The following CNTNAP5 variants were observed in gnomAD, a reference collection of about 807,000 sequenced individuals.
The protein encoded by CNTNAP5 is contactin associated protein family member 5.
In CNTNAP5, 72 loss-of-function variants were observed where a neutral mutation model predicts 150.2. The observed-to-expected ratio is 0.48, with a 90% CI of 0.40 to 0.58. The LOEUF is 0.58. Among genes scored for constraint, CNTNAP5 ranks in the 20% least tolerant of loss-of-function variants. The probability of loss-of-function intolerance (pLI) is 0.00; values close to 1 mark genes in which losing one functional copy is unlikely to be tolerated. For synonymous variants in CNTNAP5, 672 were observed against 619.8 expected (o/e 1.08, Z -1.25); for missense variants, 1,636 against 1,626.2 (o/e 1.01, Z -0.10).
At chr2:124,547,425 G>A (rs929391005) in intron 10 of CNTNAP5, among the ~76,000 whole-genome samples, 1 of 152,170 alleles carries the variant, frequency 6.6e-6, no homozygotes, top group African/African-American at 2.4e-5. Context: ...ATTCTTTCCC[G>A]GGATAGAACT....
At chr2:124,829,399 T>C (rs1682666767) in intron 19 of CNTNAP5, among the ~76,000 whole-genome samples, 3 of 152,176 alleles carry the variant, frequency 2.0e-5, no homozygotes. Context: ...TTGTAAGGAA[T>C]TGGGCAGCAT....
At chr2:124,341,634 A>T (rs1044212185) in intron 3 of CNTNAP5, among the ~76,000 whole-genome samples, 1 of 152,176 alleles carries the variant, frequency 6.6e-6, no homozygotes, top group Non-Finnish European at 1.5e-5. Context: ...AATATGTGGC[A>T]TTTCTAAATC....
chr2:124,816,949 C>A (rs1682377578), intron 19 of CNTNAP5, among the ~76,000 whole-genome samples: 1 of 152,154 alleles, frequency 6.6e-6, no homozygotes, highest in Non-Finnish European at 1.5e-5. Flanking sequence ...AAGCAAGTCA[C>A]AAGTCTCAAC....
chr2:124,665,061 A>T (rs1038427148), intron 13 of CNTNAP5, among the ~76,000 whole-genome samples: 1 of 152,222 alleles, frequency 6.6e-6, no homozygotes, highest in African/African-American at 2.4e-5. Flanking sequence ...AACGTCTATC[A>T]GCCAGTGAGA....
intron 3 of CNTNAP5, among the ~76,000 whole-genome samples, chr2:124,285,793 C>T (rs1688135419): frequency 6.6e-6 from 1 of 151,898 alleles, no homozygotes; most frequent in Admixed American, 6.6e-5. Context: ...CAGAATGAGA[C>T]CTTGTCTTGA....
intron 21 of CNTNAP5, among the ~76,000 whole-genome samples, chr2:124,875,634 G>T (rs1198258745): frequency 6.6e-6 from 1 of 151,104 alleles, no homozygotes; most frequent in Non-Finnish European, 1.5e-5. Flanking sequence ...ATATACTCAA[G>T]AAATGTTGGC....
intron 13 of CNTNAP5, among the ~76,000 whole-genome samples, chr2:124,664,686 T>C (rs1678660972): frequency 6.6e-6 from 1 of 152,162 alleles, no homozygotes; most frequent in Non-Finnish European, 1.5e-5. Context: ...AAAGAAGTTT[T>C]GTTTGTTTGT....
chr2:124,686,212 A>G (rs966545089), intron 13 of CNTNAP5, among the ~76,000 whole-genome samples: 1 of 152,204 alleles, frequency 6.6e-6, no homozygotes, highest in African/African-American at 2.4e-5. Context: ...TGAGCTGGCA[A>G]CTGGGGAGAG....
At chr2:124,511,111 C>T (rs1263625600) in intron 8 of CNTNAP5, among the ~76,000 whole-genome samples, 1 of 152,042 alleles carries the variant, frequency 6.6e-6, no homozygotes, top group Non-Finnish European at 1.5e-5. Flanking sequence ...TATGGAGATG[C>T]TTAGAATGGA....
At chr2:124,200,326 A>G (rs1685696109) in intron 1 of CNTNAP5, among the ~76,000 whole-genome samples, 3 of 152,304 alleles carry the variant, frequency 2.0e-5, no homozygotes, top group Admixed American at 2.0e-4. Flanking sequence ...TTTACTCTAA[A>G]TTACTGAGGT....
At chr2:124,873,113 G>A (rs1482070364) in intron 21 of CNTNAP5, among the ~76,000 whole-genome samples, 1 of 152,118 alleles carries the variant, frequency 6.6e-6, no homozygotes, top group Non-Finnish European at 1.5e-5. Flanking sequence ...GCTGTCATCT[G>A]CTCAGCTTCT....
chr2:124,445,558 A>G (rs1453363941), intron 5 of CNTNAP5, among the ~76,000 whole-genome samples: 1 of 152,212 alleles, frequency 6.6e-6, no homozygotes, highest in Non-Finnish European at 1.5e-5. Context: ...TACTTTTCTA[A>G]TTATAATGAG....
At chr2:124,163,121 G>A (rs1157015430) in intron 1 of CNTNAP5, among the ~76,000 whole-genome samples, 1 of 152,002 alleles carries the variant, frequency 6.6e-6, no homozygotes, top group African/African-American at 2.4e-5. Flanking sequence ...CCAACTACAG[G>A]GCATATTTAA....
In CNTNAP5 at chr2:124,653,400, G is replaced by GATAGTAT. The variant is rs202062749; in HGVS notation, c.2077+5464_2077+5470dup. 2.7e-4 allele frequency among the ~76,000 whole-genome samples: 41 copies of GATAGTAT among 150,954 alleles called. No individual in the cohort carries two copies. The South Asian group carries it at 4.8e-3, about 18-fold the overall frequency. On this transcript the variant is annotated intron_variant, in intron 13 of 23. Transcript: ENST00000682447. ...TGGATAAATATATATGTGTCTGTAT[G>GATAGTAT]ATAGTATATAGTATATAGTATATAG... is the stretch of plus-strand genomic sequence containing the variant.
At chr2:124,641,374 T>C (rs1389648805) in intron 12 of CNTNAP5, among the ~76,000 whole-genome samples, 1 of 151,914 alleles carries the variant, frequency 6.6e-6, no homozygotes, top group Admixed American at 6.6e-5. Context: ...AGCTCAAGCT[T>C]CCCCTCATCA....
intron 1 of CNTNAP5, among the ~76,000 whole-genome samples, chr2:124,173,817 C>T (rs769454720): frequency 6.6e-6 from 1 of 152,164 alleles, no homozygotes; most frequent in Admixed American, 6.5e-5. Context: ...ACAAAACAGC[C>T]TTTCTTTTGG....
intron 13 of CNTNAP5, among the ~76,000 whole-genome samples, chr2:124,707,852 A>G (rs1365997275): frequency 6.6e-6 from 1 of 152,240 alleles, no homozygotes; most frequent in Non-Finnish European, 1.5e-5. Context: ...AAGCTGAATT[A>G]CATACAATTA....
intron 1 of CNTNAP5, among the ~76,000 whole-genome samples, chr2:124,161,639 A>G (rs1158335749): frequency 1.3e-5 from 2 of 152,188 alleles, no homozygotes; most frequent in African/African-American, 4.8e-5. Flanking sequence ...TGCTGTAAAG[A>G]GTCATCTGTA....
At chr2:124,454,107 C>A (rs751378436) in intron 6 of CNTNAP5, among the ~76,000 whole-genome samples, 8 of 152,068 alleles carry the variant, frequency 5.3e-5, no homozygotes, top group Non-Finnish European at 8.8e-5. Context: ...TACAGAATTG[C>A]AGAATGGATA....
Sources: gnomAD v4.1 joint callset for allele counts (sites outside exome capture counted in the v4.1 genomes callset) on GRCh38, gnomAD v4.1.1 for gene constraint, MANE v1.5 for transcripts, NCBI Gene and HGNC (gene_info 2026-07-23, HGNC 2026-07-21) for gene names.